DLGAP1: variants seen among roughly 807,000 people sequenced by gnomAD.
The protein encoded by DLGAP1 is DLG associated protein 1.
Under a neutral mutation model 90.8 loss-of-function variants are expected in DLGAP1, and 11 were observed. The observed-to-expected ratio is 0.12, with a 90% CI of 0.08 to 0.20. The LOEUF (loss-of-function observed/expected upper bound fraction) is 0.20. Ranked by LOEUF, DLGAP1 falls within the 10% of genes least tolerant of loss-of-function variation. The probability of loss-of-function intolerance (pLI) is 1.00; values close to 1 mark genes in which losing one functional copy is unlikely to be tolerated. For missense variants in DLGAP1, 1,050 were observed against 1,333.8 expected, an observed-to-expected ratio of 0.79 and a Z score of 3.31; for synonymous variants, 558 against 540.7, an observed-to-expected ratio of 1.03 and a Z score of -0.44.
At chr18:4,352,747 T>G (rs1172580278) in intron 1 of DLGAP1, among the ~76,000 whole-genome samples, 1 of 152,130 alleles carries the variant, frequency 6.6e-6, no homozygotes, top group Non-Finnish European at 1.5e-5. Context: ...CTTATGCCCT[T>G]AAAACACACA....
At chr18:3,641,073 A>G (rs1216636894) in intron 7 of DLGAP1, among the ~76,000 whole-genome samples, 2 of 152,218 alleles carry the variant, frequency 1.3e-5, no homozygotes, top group Non-Finnish European at 1.5e-5. Flanking sequence ...CATGAGGCAC[A>G]GCAAACAAGA....
At position 3,763,281 on chromosome 18, in the gene DLGAP1, G is replaced by A. The variant is rs529783413; in HGVS notation, c.1173-20769C>T. On this transcript the variant is annotated intron_variant, in intron 5 of 12. Transcript: ENST00000315677. The stretch of plus-strand genomic sequence containing the variant: ...TGGATGCTTCCTACCCTTGAACATC[G>A]GCCTCCAGATTCTTCATCCTAGGAC... Among the ~76,000 whole-genome samples, 5 of 152,186 alleles carry A rather than the reference G, an allele frequency of 3.3e-5. No individual in the cohort carries two copies. In the South Asian group the frequency reaches 1.0e-3, roughly 32 times the overall value.
chr18:3,738,703 A>G (rs2062765333), intron 6 of DLGAP1, among the ~76,000 whole-genome samples: 1 of 150,460 alleles, frequency 6.6e-6, no homozygotes, highest in Non-Finnish European at 1.5e-5. Context: ...ACCATTCAGG[A>G]CATAGGCATG....
chr18:4,223,032 G>T (rs1392104531), intron 1 of DLGAP1, among the ~76,000 whole-genome samples: 1 of 152,050 alleles, frequency 6.6e-6, no homozygotes, highest in Non-Finnish European at 1.5e-5. Context: ...GGTACGAGAA[G>T]CACTTATGTC....
intron 2 of DLGAP1, among the ~76,000 whole-genome samples, chr18:4,070,541 TATG>T (rs1474666784): frequency 2.6e-5 from 4 of 152,242 alleles, no homozygotes; most frequent in African/African-American, 9.6e-5. Flanking sequence ...TTTTCCCATA[TATG>T]ATAACTATAA....
At chr18:3,567,847 A>G (rs1331900978) in intron 8 of DLGAP1, among the ~76,000 whole-genome samples, 1 of 152,168 alleles carries the variant, frequency 6.6e-6, no homozygotes, top group East Asian at 1.9e-4. Context: ...CTTAGACTTA[A>G]GTATCTTACT....
rs552264972 is a variant in DLGAP1 at position 4,305,272 on chromosome 18, C to T, written c.-267+149734G>A. On this transcript the variant is annotated intron_variant, in intron 1 of 12. Transcript: ENST00000315677. ...AAAACCAGCCGGGCGTGGTGGCTCA[C>T]GCCTGTAATCTCAGCACTTTGGGAG... 5.3e-5 allele frequency among the ~76,000 whole-genome samples: 8 copies of T among 152,106 alleles called. No homozygotes were observed. In the South Asian group the frequency reaches 6.3e-4, roughly 12 times the overall value.
chr18:3,634,772 A>T (rs563201229), intron 7 of DLGAP1, among the ~76,000 whole-genome samples: 25 of 152,060 alleles, frequency 1.6e-4, no homozygotes, highest in Admixed American at 5.9e-4. Context: ...TGACTGAAGG[A>T]CTCTCCCTGT....
chr18:4,089,036 C>T (rs1002514824), intron 2 of DLGAP1, among the ~76,000 whole-genome samples: 2 of 152,142 alleles, frequency 1.3e-5, no homozygotes, highest in African/African-American at 4.8e-5. Context: ...ATAACATGAT[C>T]CTATATCTAG....
chr18:4,242,277 T>G (rs1051093287), intron 1 of DLGAP1, among the ~76,000 whole-genome samples: 1 of 152,148 alleles, frequency 6.6e-6, no homozygotes. Flanking sequence ...TCAAGATTCA[T>G]CTTGAAATAT....
chr18:4,136,490 A>G (rs1293696010), intron 2 of DLGAP1, among the ~76,000 whole-genome samples: 1 of 152,310 alleles, frequency 6.6e-6, no homozygotes, highest in Non-Finnish European at 1.5e-5. Flanking sequence ...CTAATGATCA[A>G]TGATGGTGAG....
At position 4,383,348 on chromosome 18, in the gene DLGAP1, T is replaced by C. The variant is rs1389883087; in HGVS notation, c.-267+71658A>G. Among the ~76,000 whole-genome samples, 1 of 152,188 alleles carries C rather than the reference T, an allele frequency of 6.6e-6. No homozygotes were observed. The highest frequency in any genetic ancestry group is 1.5e-5 in the Non-Finnish European group (1 of 68,018). On this transcript the variant is annotated intron_variant, in intron 1 of 12. Transcript: ENST00000315677. This position sits in a 1 kb window ranked among gnomAD's most constrained non-coding sequence, Gnocchi z 4.0. ...ATGTACTTAAACTCAAAATATTTAG[T>C]ACATTAATGGGATTTTCATGGTTTT...
chr18:3,522,505 G>A (rs2051271233), intron 10 of DLGAP1, among the ~76,000 whole-genome samples: 2 of 150,750 alleles, frequency 1.3e-5, no homozygotes, highest in African/African-American at 4.9e-5. Flanking sequence ...AATTTTAAAA[G>A]TGGGTCTATC....
chr18:3,584,345 T>A (rs1334744829), intron 7 of DLGAP1, among the ~76,000 whole-genome samples: 2 of 151,194 alleles, frequency 1.3e-5, no homozygotes, highest in African/African-American at 4.9e-5. Flanking sequence ...TCCCAACTTG[T>A]TACCTACAGT....
At chr18:3,645,605 C>T (rs979639574) in intron 7 of DLGAP1, among the ~76,000 whole-genome samples, 4 of 152,316 alleles carry the variant, frequency 2.6e-5, no homozygotes, top group African/African-American at 9.6e-5. Context: ...GCTTGCAAAA[C>T]CTAGACATGT....
chr18:3,550,824 T>C (rs576607696), intron 9 of DLGAP1, among the ~76,000 whole-genome samples: 1 of 143,706 alleles, frequency 7.0e-6, no homozygotes, highest in South Asian at 2.4e-4. Context: ...TCACTACAAC[T>C]TCTGCCTCCT....
At chr18:3,633,533 T>TTATGTA in intron 7 of DLGAP1, among the ~76,000 whole-genome samples, 1 of 152,274 alleles carries the variant, frequency 6.6e-6, no homozygotes, top group East Asian at 1.9e-4. Context: ...CCAGGGATGA[T>TTATGTA]TATGTATATG....
chr18:3,760,037 T>C (rs1329046375), intron 5 of DLGAP1, among the ~76,000 whole-genome samples: 2 of 152,190 alleles, frequency 1.3e-5, no homozygotes, highest in African/African-American at 2.4e-5. Flanking sequence ...TGCTGGTCAG[T>C]TTCTTCATCA....
chr18:4,303,598 A>C (rs1370917643), intron 1 of DLGAP1, among the ~76,000 whole-genome samples: 1 of 152,166 alleles, frequency 6.6e-6, no homozygotes, highest in Non-Finnish European at 1.5e-5. Flanking sequence ...CAAACTGGCC[A>C]ATGTTAATTT....
Sources: gnomAD v4.1 joint callset for allele counts (sites outside exome capture counted in the v4.1 genomes callset) on GRCh38, gnomAD v4.1.1 for gene constraint, Gnocchi (gnomAD v3.1) non-coding constraint, MANE v1.5 for transcripts, NCBI Gene and HGNC (gene_info 2026-07-23, HGNC 2026-07-21) for gene names.